Variants in MCTP1 observed in about 807,000 individuals in gnomAD.
MCTP1 encodes multiple C2 and transmembrane domain containing 1, also known as multiple C2 and transmembrane domain-containing protein 1.
MCTP1 carries 69 observed loss-of-function variants against 120.6 expected under a neutral mutation model. The observed-to-expected ratio is 0.57, with a 90% CI of 0.47 to 0.70. The LOEUF is 0.70. MCTP1 is among the 30% of genes least tolerant of loss of function. MCTP1 has a pLI of 0.00. For synonymous variants in MCTP1, 529 were observed against 493.1 expected (o/e 1.07, Z -0.96); for missense variants, 1,203 against 1,248.8 (o/e 0.96, Z 0.55).
intron 1 of MCTP1, among the ~76,000 whole-genome samples, chr5:95,092,002 G>T (rs1333698859): frequency 6.6e-6 from 1 of 152,176 alleles, no homozygotes; most frequent in African/African-American, 2.4e-5. Flanking sequence ...AAGGCTCAAA[G>T]GGAAGTGAGA....
At chr5:94,817,379 A>G (rs1580839027) in intron 17 of MCTP1, among the ~76,000 whole-genome samples, 1 of 151,972 alleles carries the variant, frequency 6.6e-6, no homozygotes. Flanking sequence ...CTGCTCTCCA[A>G]CCTGGGCGAC....
At chr5:95,047,660 A>G (rs1744902226) in intron 1 of MCTP1, among the ~76,000 whole-genome samples, 1 of 152,182 alleles carries the variant, frequency 6.6e-6, no homozygotes, top group African/African-American at 2.4e-5. Flanking sequence ...GAAGTTAAAA[A>G]ATGGTGGCAT....
chr5:94,958,837 G>C (rs2153551798), intron 2 of MCTP1, among the ~76,000 whole-genome samples: 1 of 152,224 alleles, frequency 6.6e-6, no homozygotes, highest in African/African-American at 2.4e-5. Context: ...TTCTACCAGA[G>C]GTACAAAGAG....
intron 1 of MCTP1, among the ~76,000 whole-genome samples, chr5:95,280,309 T>C (rs1223064435): frequency 6.6e-6 from 1 of 152,240 alleles, no homozygotes; most frequent in African/African-American, 2.4e-5. Context: ...CCTACTTCTT[T>C]TCAAAAATAG....
At chr5:94,828,207 G>A (rs1361225734) in intron 17 of MCTP1, among the ~76,000 whole-genome samples, 1 of 152,186 alleles carries the variant, frequency 6.6e-6, no homozygotes, top group African/African-American at 2.4e-5. Context: ...TCTTCTAACA[G>A]TCAGGCTCCT....
At chr5:94,974,334 G>A (rs978551248) in intron 2 of MCTP1, among the ~76,000 whole-genome samples, 1 of 151,960 alleles carries the variant, frequency 6.6e-6, no homozygotes, top group African/African-American at 2.4e-5. Flanking sequence ...ATTTCTTCAG[G>A]TCAGGAGTTT....
At chr5:95,268,512 C>T (rs984538415) in intron 1 of MCTP1, among the ~76,000 whole-genome samples, 1 of 152,144 alleles carries the variant, frequency 6.6e-6, no homozygotes, top group African/African-American at 2.4e-5. Flanking sequence ...GAAATAGACA[C>T]GAACCTTCTT....
chr5:95,121,104 C>T (rs1758194639), intron 1 of MCTP1, among the ~76,000 whole-genome samples: 1 of 151,780 alleles, frequency 6.6e-6, no homozygotes, highest in Non-Finnish European at 1.5e-5. Context: ...CAGTGAAACC[C>T]CGTCTCTACT....
At chr5:95,047,965 G>C (rs549759492) in intron 1 of MCTP1, among the ~76,000 whole-genome samples, 12 of 152,130 alleles carry the variant, frequency 7.9e-5, no homozygotes, top group Non-Finnish European at 1.2e-4. Context: ...GTGTTAAGTA[G>C]AAAAGTTATT....
chr5:94,840,874 A>G (rs997103832), intron 17 of MCTP1, among the ~76,000 whole-genome samples: 3 of 152,220 alleles, frequency 2.0e-5, no homozygotes, highest in Non-Finnish European at 4.4e-5. Context: ...GATACTAAGC[A>G]AGCTGTTTTT....
At chr5:94,910,176 ATATG>A (rs1301434917) in intron 9 of MCTP1, among the ~76,000 whole-genome samples, 1 of 151,546 alleles carries the variant, frequency 6.6e-6, no homozygotes, top group African/African-American at 2.4e-5. Flanking sequence ...ATGTATACAT[ATATG>A]TATGTGTGCA....
rs73774879 is a variant in MCTP1 at position 95,003,502 on chromosome 5, G to C, written c.838+13865C>G. ...AACATATTTCTCATAATGTATCCCT[G>C]TCATTAAGCAATGCATGACCAAAAC... On this transcript the variant is annotated intron_variant, in intron 2 of 22. Coordinates refer to ENST00000515393, the MANE Select transcript of MCTP1 (RefSeq NM_024717.7). Among the ~76,000 whole-genome samples the C allele has an allele frequency of 8.6e-3, 1,316 of 152,262 alleles. 19 individuals are homozygous for C. Among genetic ancestry groups the C allele is most frequent in the African/African-American group, 0.03 (1,248 of 41,542 alleles).
At chr5:94,855,180 C>T (rs2153227876) in intron 17 of MCTP1, among the ~76,000 whole-genome samples, 1 of 151,926 alleles carries the variant, frequency 6.6e-6, no homozygotes, top group African/African-American at 2.4e-5. Flanking sequence ...CTTTAACAAA[C>T]CCCTATTTTC....
intron 1 of MCTP1, among the ~76,000 whole-genome samples, chr5:95,111,583 A>G (rs776351456): frequency 6.6e-6 from 1 of 152,158 alleles, no homozygotes; most frequent in Non-Finnish European, 1.5e-5. Flanking sequence ...TTAAATTTGC[A>G]TGATGCTCAT....
At chr5:95,028,617 A>G (rs1436132850) in intron 1 of MCTP1, among the ~76,000 whole-genome samples, 1 of 152,192 alleles carries the variant, frequency 6.6e-6, no homozygotes, top group African/African-American at 2.4e-5. Context: ...CTACACATAC[A>G]GTATATAAAA....
In MCTP1 at chr5:94,909,311, C is replaced by A. The variant is rs376116779; in HGVS notation, c.1592G>T (p.Gly531Val). The change falls in exon 10 of 23, where the codon GGA becomes GTA. Residue 531 changes from glycine to valine, a missense_variant. Gly to Val is a moderately radical substitution (Grantham distance 109). This residue lies in a region of MCTP1 where 740 missense variants were observed against 871.1 expected (regional missense o/e 0.85). Transcript: ENST00000515393. ...GTCCCATGCAGTGATATCAATGACT[C>A]CTCCTCTTTCTTCATAAAGGTGAAA... is the stretch of plus-strand genomic sequence containing the variant. ...FDFHLYEERGGVIDITAWDKD... is the reference protein window; with the variant it reads ...FDFHLYEERGVVIDITAWDKD... The A allele has an allele frequency of 6.8e-6, 11 of 1,609,080 alleles. No individual in the cohort carries two copies. The highest frequency in any genetic ancestry group is 8.5e-6 in the Non-Finnish European group (10 of 1,177,964).
At chr5:95,113,772 TA>T (rs1424733128) in intron 1 of MCTP1, among the ~76,000 whole-genome samples, 1 of 152,072 alleles carries the variant, frequency 6.6e-6, no homozygotes, top group Non-Finnish European at 1.5e-5. Flanking sequence ...TCAGTAGACT[TA>T]AAGGGCACAG....
chr5:95,201,482 T>G (rs1421941889), intron 1 of MCTP1, among the ~76,000 whole-genome samples: 656 of 6,878 alleles, frequency 0.095, 10 homozygotes, highest in South Asian at 0.14. Flanking sequence ...TTTTTTTTTT[T>G]TTTTTTTTTT....
intron 19 of MCTP1, among the ~76,000 whole-genome samples, chr5:94,737,645 C>A (rs1764574545): frequency 6.6e-6 from 1 of 152,184 alleles, no homozygotes; most frequent in South Asian, 2.1e-4. Flanking sequence ...GTTATCAACT[C>A]TTTACTAAAA....
Sources: gnomAD v4.1 joint callset for allele counts (sites outside exome capture counted in the v4.1 genomes callset) on GRCh38, gnomAD v4.1.1 for gene constraint, gnomAD v4.1.1 regional missense constraint, MANE v1.5 for transcripts, NCBI Gene and HGNC (gene_info 2026-07-23, HGNC 2026-07-21) for gene names.